THNSL1: variants seen among roughly 807,000 people sequenced by gnomAD.
THNSL1 encodes threonine synthase-like 1.
In THNSL1, 48 loss-of-function variants were observed where a neutral mutation model predicts 50.4. The ratio of observed to expected loss-of-function variants is 0.95; its 90% CI spans 0.76 to 1.21. The LOEUF (loss-of-function observed/expected upper bound fraction) is 1.21. Ranked by LOEUF, THNSL1 falls within the 50% of genes most tolerant of loss-of-function variation. The pLI is 0.00. For synonymous variants in THNSL1, 309 were observed against 306.1 expected (o/e 1.01, Z -0.10); for missense variants, 896 against 871.7 (o/e 1.03, Z -0.35).
At chr10:24,973,192 C>T in the THNSL1 span, among the ~76,000 whole-genome samples, 1 of 152,094 alleles carries the variant, frequency 6.6e-6, no homozygotes, top group Non-Finnish European at 1.5e-5. Flanking sequence ...TTTGGCATAT[C>T]CGACTTGCCA....
At position 25,023,227 on chromosome 10, in the gene THNSL1, C is replaced by T. The variant is rs201231585; in HGVS notation, c.4C>T (p.Leu2Phe). The T allele has an allele frequency of 1.2e-6, 2 of 1,605,720 alleles. No individual in the cohort carries two copies. The highest frequency in any genetic ancestry group is 1.7e-6 in the Non-Finnish European group (2 of 1,175,086). Residue 2 changes from leucine to phenylalanine, a missense_variant, in exon 3 of 3, where the codon CTC (leucine) becomes TTC (phenylalanine). Physicochemically the swap from Leu to Phe is conservative, Grantham distance 22. Transcript: ENST00000376356. ...TGGGCAGAAAAGTGAAAAGAGAATGCTCCACTTTAACCGATGTCATCATCT... is the reference window on the plus strand; with the variant it reads ...TGGGCAGAAAAGTGAAAAGAGAATGTTCCACTTTAACCGATGTCATCATCT... M[L>F]HFNRCHHLKK... is the part of the protein sequence containing the mutation.
the THNSL1 span, chr10:24,982,064 G>C: frequency 6.6e-6 from 1 of 152,136 alleles, no homozygotes; most frequent in Non-Finnish European, 1.5e-5. Context: ...AGATTCTAAG[G>C]AATGCAGATG....
the THNSL1 span, among the ~76,000 whole-genome samples, chr10:24,962,537 G>T: frequency 6.6e-6 from 1 of 152,086 alleles, no homozygotes; most frequent in Admixed American, 6.6e-5. Context: ...TAAATGGATC[G>T]AATTTTAAAA....
the THNSL1 span, among the ~76,000 whole-genome samples, chr10:24,954,909 T>G: frequency 1.3e-5 from 2 of 152,232 alleles, no homozygotes; most frequent in Non-Finnish European, 2.9e-5. Context: ...TCTTGCATTA[T>G]GAGGATTTAG....
the THNSL1 span, among the ~76,000 whole-genome samples, chr10:24,980,207 C>T: frequency 6.6e-6 from 1 of 152,174 alleles, no homozygotes; most frequent in Non-Finnish European, 1.5e-5. Context: ...TCCTCATCTT[C>T]AGCTTGCACC....
chr10:25,003,268 G>A, the THNSL1 span, among the ~76,000 whole-genome samples: 1 of 152,082 alleles, frequency 6.6e-6, no homozygotes, highest in African/African-American at 2.4e-5. Context: ...GTGCAGTGGT[G>A]TGATCTTAGC....
the THNSL1 span, among the ~76,000 whole-genome samples, chr10:24,954,266 C>T: frequency 6.6e-6 from 1 of 152,134 alleles, no homozygotes. Flanking sequence ...TGGGGAAGAT[C>T]TGTGGAAGCA....
intron 1 of THNSL1, among the ~76,000 whole-genome samples, chr10:25,017,612 TAA>T (rs751841894): frequency 1.0e-4 from 15 of 144,848 alleles, no homozygotes; most frequent in Admixed American, 4.4e-4. Context: ...AAGAATACGT[TAA>T]GTTTTTCTTT....
the THNSL1 span, among the ~76,000 whole-genome samples, chr10:24,979,724 A>G: frequency 2.6e-5 from 4 of 152,236 alleles, no homozygotes; most frequent in Middle Eastern, 0.01. Context: ...TCACTCTTTC[A>G]ATCTATCTTT....
chr10:25,025,418 G>A lies in THNSL1; in HGVS notation c.2195G>A (p.Ser732Asn). 2 of 1,611,298 alleles carry A rather than the reference G, an allele frequency of 1.2e-6. No individual in the cohort carries two copies. Among genetic ancestry groups the A allele is most frequent in the Non-Finnish European group, 8.5e-7 (1 of 1,179,058 alleles). ...GCAGCTGATATGAATGTCTTGAAGA[G>A]TCATGTGGAACAACTTGTCCAAAAT... ...VCAADMNVLK[S>N]HVEQLVQNQF... Residue 732 changes from serine to asparagine, a missense_variant, in exon 3 of 3, where the codon AGT (serine) becomes AAT (asparagine). Ser to Asn is a conservative substitution (Grantham distance 46). Transcript: ENST00000376356.
At chr10:24,965,514 T>A in the THNSL1 span, among the ~76,000 whole-genome samples, 1 of 152,228 alleles carries the variant, frequency 6.6e-6, no homozygotes, top group Non-Finnish European at 1.5e-5. Context: ...TTCTTACTAC[T>A]TGAAATGATT....
At chr10:24,988,378 A>G in the THNSL1 span, among the ~76,000 whole-genome samples, 4 of 144,702 alleles carry the variant, frequency 2.8e-5, no homozygotes, top group Non-Finnish European at 4.5e-5. Flanking sequence ...TTATATATGT[A>G]TATATGTGTA....
the THNSL1 span, among the ~76,000 whole-genome samples, chr10:24,996,307 A>G: frequency 6.6e-6 from 1 of 152,150 alleles, no homozygotes; most frequent in Non-Finnish European, 1.5e-5. Context: ...CCTTAGTCCC[A>G]GCTACTCAGG....
At chr10:24,967,699 TATG>T in the THNSL1 span, among the ~76,000 whole-genome samples, 99 of 151,798 alleles carry the variant, frequency 6.5e-4, no homozygotes, top group Non-Finnish European at 9.6e-4. Context: ...CATATGTGTG[TATG>T]ATGTGTGTAT....
the THNSL1 span, among the ~76,000 whole-genome samples, chr10:25,002,029 A>G: frequency 1.3e-5 from 2 of 152,062 alleles, no homozygotes; most frequent in African/African-American, 4.8e-5. Context: ...GGATTCAGTT[A>G]TGATAGTTGG....
At chr10:24,992,305 G>A in the THNSL1 span, among the ~76,000 whole-genome samples, 1 of 152,100 alleles carries the variant, frequency 6.6e-6, no homozygotes, top group Non-Finnish European at 1.5e-5. Context: ...AAGGATAGTG[G>A]GGGAAAAGAA....
At chr10:24,954,037 G>A in the THNSL1 span, among the ~76,000 whole-genome samples, 1 of 152,124 alleles carries the variant, frequency 6.6e-6, no homozygotes, top group Non-Finnish European at 1.5e-5. Flanking sequence ...GTGAGAGGGC[G>A]TTGTTTTGAG....
chr10:24,992,768 A>G, the THNSL1 span, among the ~76,000 whole-genome samples: 1 of 152,190 alleles, frequency 6.6e-6, no homozygotes, highest in Non-Finnish European at 1.5e-5. Flanking sequence ...CTGACTGAAC[A>G]AGGGATAGAA....
chr10:25,004,584 T>C, the THNSL1 span, among the ~76,000 whole-genome samples: 3 of 152,204 alleles, frequency 2.0e-5, no homozygotes, highest in Non-Finnish European at 2.9e-5. Flanking sequence ...GTCTGTTCAT[T>C]TCCTTTGCCA....
Sources: allele counts gnomAD v4.1 joint callset (sites outside exome capture counted in the v4.1 genomes callset), GRCh38; gene constraint gnomAD v4.1.1; transcripts MANE v1.5; gene names NCBI Gene and HGNC (gene_info 2026-07-23, HGNC 2026-07-21).